The following TTLL3 variants were observed in gnomAD, a reference collection of about 807,000 sequenced individuals.
TTLL3 encodes the protein tubulin tyrosine ligase like 3, also known as tubulin monoglycylase TTLL3.
A neutral mutation model predicts 75.2 loss-of-function variants in TTLL3; 63 were observed. The ratio of observed to expected loss-of-function variants is 0.84; its 90% CI spans 0.68 to 1.03. The LOEUF (loss-of-function observed/expected upper bound fraction) is 1.03, where lower values mean the gene tolerates loss of function less well. Ranked by LOEUF, TTLL3 falls within the 50% of genes least tolerant of loss-of-function variation. The probability of loss-of-function intolerance (pLI) is 0.00; values close to 1 mark genes in which losing one functional copy is unlikely to be tolerated. For synonymous variants in TTLL3, 393 were observed against 418.5 expected, an observed-to-expected ratio of 0.94 and a Z score of 0.74; for missense variants, 997 against 1,069.9, an observed-to-expected ratio of 0.93 and a Z score of 0.95.
At chr3:9,818,965 ACCC>A in intron 7 of TTLL3, 45 bp downstream of exon 7, 1 of 1,612,428 alleles carries the variant, frequency 6.2e-7, no homozygotes, top group Non-Finnish European at 8.5e-7. Flanking sequence ...TTTATCCTCC[ACCC>A]ATCCGCCCTT....
At chr3:9,812,797 C>A in intron 2 of TTLL3, 146 bp from the exon 3 acceptor site, 1 of 937,184 alleles carries the variant, frequency 1.1e-6, no homozygotes, top group Non-Finnish European at 1.4e-6. Context: ...TATTTCTCTA[C>A]TTATTTATAG....
At chr3:9,814,960 G>A (rs1422179258) in intron 4 of TTLL3, among the ~76,000 whole-genome samples, 2 of 151,836 alleles carry the variant, frequency 1.3e-5, no homozygotes, top group Non-Finnish European at 2.9e-5. Context: ...ATTTCTGGCC[G>A]GGCATGGTGG....
At chr3:9,812,742 C>A in intron 2 of TTLL3, 1 of 535,522 alleles carries the variant, frequency 1.9e-6, no homozygotes, top group Non-Finnish European at 2.9e-6. Flanking sequence ...AGTAGGTCCT[C>A]AATAAATATT....
At chr3:9,820,935 T>C in intron 8 of TTLL3, 194 bp downstream of exon 8, 1 of 882,590 alleles carries the variant, frequency 1.1e-6, no homozygotes, top group South Asian at 1.9e-5. Flanking sequence ...TGGCATAGCA[T>C]AGTCACTAAG....
In TTLL3 at chr3:9,825,846, G is replaced by A; in HGVS notation, c.901G>A (p.Glu301Lys). ...RHLDTQVQRC[E>K]DILQQLQAVV... Reference sequence around the variant, plus strand: ...CCTCGACACTCAGGTCCAGCGCTGTGAGGACATCCTGCAGCAGCTGCAGGC... The same window carrying A: ...CCTCGACACTCAGGTCCAGCGCTGTAAGGACATCCTGCAGCAGCTGCAGGC... Residue 301 changes from glutamate to lysine, a missense_variant, in exon 9 of 14, where the codon GAG (glutamate) becomes AAG (lysine). By Grantham distance (56) the Glu-to-Lys change is moderately conservative. Coordinates refer to ENST00000685419, the MANE Select transcript of TTLL3 (RefSeq NM_001387446.1). 1.2e-6 allele frequency: 2 copies of A among 1,614,194 alleles called. No homozygotes were observed. Among genetic ancestry groups the A allele is most frequent in the East Asian group, 2.2e-5 (1 of 44,890 alleles).
At chr3:9,817,970 T>C (rs1375164169) in intron 6 of TTLL3, 1 of 613,094 alleles carries the variant, frequency 1.6e-6, no homozygotes, top group Non-Finnish European at 2.7e-6. Context: ...CCAGAAAAGC[T>C]TGGGTAGCTT....
At chr3:9,830,865 C>T (rs1359211425) in intron 11 of TTLL3, among the ~76,000 whole-genome samples, 2 of 151,988 alleles carry the variant, frequency 1.3e-5, no homozygotes, top group African/African-American at 2.4e-5. Context: ...TGCAGTGGCA[C>T]CATCTCGGCT....
At chr3:9,820,951 G>A (rs960036125) in intron 8 of TTLL3, 10 of 703,716 alleles carry the variant, frequency 1.4e-5, no homozygotes, top group Non-Finnish European at 1.8e-5. Flanking sequence ...CTAAGAGCAT[G>A]GACTGTGCCA....
chr3:9,825,488 T>TA (rs1304006479), intron 8 of TTLL3: 1 of 411,362 alleles, frequency 2.4e-6, no homozygotes, highest in Admixed American at 3.6e-5. Flanking sequence ...CTGGAATGAT[T>TA]AAATTCTGTC....
At chr3:9,830,466 T>G (rs931896026) in intron 11 of TTLL3, among the ~76,000 whole-genome samples, 1 of 152,182 alleles carries the variant, frequency 6.6e-6, no homozygotes, top group Non-Finnish European at 1.5e-5. Flanking sequence ...TAGCCTCCGG[T>G]TTCTGTCAAG....
chr3:9,816,156 A>T lies in TTLL3; in HGVS notation c.398A>T (p.Asp133Val). Reference protein sequence around the residue: ...DVLDCRFLSKDQMINHYARAG... With the variant: ...DVLDCRFLSKVQMINHYARAG... ...CTCGACTGTCGCTTCCTCTCCAAGG[A>T]TCAGATGATAAACCACTACGCCCGG... The change falls in exon 5 of 14, where the codon GAT becomes GTT. Residue 133 changes from aspartate to valine, a missense_variant. Asp to Val is a radical substitution (Grantham distance 152). Transcript: ENST00000685419. 1 of 1,354,544 alleles carries T rather than the reference A, an allele frequency of 7.4e-7. No individual in the cohort carries two copies. Among genetic ancestry groups the T allele is most frequent in the Non-Finnish European group, 9.8e-7 (1 of 1,016,200 alleles). The allele number at this position is 1,354,544 out of a possible 1,614,324, so 83.9% of individuals were successfully genotyped here.
At chr3:9,823,904 C>T (rs979437164) in intron 8 of TTLL3, among the ~76,000 whole-genome samples, 1 of 152,188 alleles carries the variant, frequency 6.6e-6, no homozygotes, top group Non-Finnish European at 1.5e-5. Flanking sequence ...TAGTTCAGGA[C>T]ATTTTCTGTC....
rs775774811 is a variant in TTLL3 at position 9,835,322 on chromosome 3, A to G, written c.2281A>G (p.Met761Val). 5.6e-6 allele frequency: 9 copies of G among 1,614,186 alleles called. No homozygotes were observed. The highest frequency in any genetic ancestry group is 7.6e-6 in the Non-Finnish European group (9 of 1,180,024). ...CCAGAGGCGCAGGGGCCTGGGGGATATGAAGCTAGGGAAGCCCCTGCTTCG... is the reference window on the plus strand; with the variant it reads ...CCAGAGGCGCAGGGGCCTGGGGGATGTGAAGCTAGGGAAGCCCCTGCTTCG... ...TFQRRRGLGDMKLGKPLLRFP... is the reference protein window; with the variant it reads ...TFQRRRGLGDVKLGKPLLRFP... Residue 761 changes from methionine to valine, a missense_variant, in exon 14 of 14, where the codon ATG (methionine) becomes GTG (valine). Transcript: ENST00000685419.
At chr3:9,809,907 C>G, upstream of TTLL3, 1 of 641,450 alleles carries the variant, frequency 1.6e-6, no homozygotes, top group Non-Finnish European at 2.0e-6. Flanking sequence ...GAACGGAGGA[C>G]AAGGCTCGAG....
intron 12 of TTLL3, chr3:9,834,261 C>T (rs1180331687): frequency 2.4e-6 from 1 of 410,220 alleles, no homozygotes; most frequent in Non-Finnish European, 4.9e-6. Flanking sequence ...AGCGCCCACG[C>T]TTTTCCCACT....
chr3:9,833,011 AG>A (rs2081711399), intron 11 of TTLL3, 92 bp from the exon 12 acceptor site: 1 of 1,500,560 alleles, frequency 6.7e-7, no homozygotes. Context: ...TGCCTCAGAA[AG>A]TAATTCCACC....
At chr3:9,814,606 C>T (rs1349677934) in intron 4 of TTLL3, among the ~76,000 whole-genome samples, 1 of 151,968 alleles carries the variant, frequency 6.6e-6, no homozygotes, top group African/African-American at 2.4e-5. Context: ...TGAGATCGCG[C>T]CACTGCACTC....
intron 5 of TTLL3, 102 bp from the exon 6 acceptor site, chr3:9,817,543 C>T: frequency 6.3e-7 from 1 of 1,591,974 alleles, no homozygotes; most frequent in Non-Finnish European, 8.6e-7. Flanking sequence ...CAAGCGGGGC[C>T]AAGGCTCTGA....
Position 9,818,045 on chromosome 3 carries a change from T to G in TTLL3, c.559+286T>G. 1.0e-5 allele frequency: 3 copies of G among 298,298 alleles called. No individual in the cohort carries two copies. In the South Asian group the frequency reaches 2.3e-4, roughly 23 times the overall value. 18.5% of individuals were successfully genotyped at this position (298,298 alleles called of 1,614,324 possible). Reference sequence around the variant, plus strand: ...CCTTGAGTTTGGAATCCAGAACAGATTCCAGGCTTATATCAAGTTCCATTT... The same window carrying G: ...CCTTGAGTTTGGAATCCAGAACAGAGTCCAGGCTTATATCAAGTTCCATTT... On this transcript the variant is annotated intron_variant, in intron 6 of 13. Coordinates refer to ENST00000685419, the MANE Select transcript of TTLL3 (RefSeq NM_001387446.1).
Sources: allele counts gnomAD v4.1 joint callset (sites outside exome capture counted in the v4.1 genomes callset), GRCh38; gene constraint gnomAD v4.1.1; transcripts MANE v1.5; gene names NCBI Gene and HGNC (gene_info 2026-07-23, HGNC 2026-07-21).